The following BOP1 variants were observed in gnomAD, a reference collection of about 807,000 sequenced individuals.
BOP1 encodes BOP1 ribosomal biogenesis factor.
In BOP1, 54 loss-of-function variants were observed where a neutral mutation model predicts 82.9. The observed-to-expected ratio is 0.65, with a 90% CI of 0.52 to 0.82. The LOEUF (loss-of-function observed/expected upper bound fraction) is 0.82, where lower values mean the gene tolerates loss of function less well. Ranked by LOEUF, BOP1 falls within the 40% of genes least tolerant of loss-of-function variation. The pLI is 0.00. For missense variants in BOP1, 1,170 were observed against 1,072.0 expected (o/e 1.09, Z -1.28); for synonymous variants, 566 against 451.1 (o/e 1.25, Z -3.23).
intron 1 of BOP1, among the ~76,000 whole-genome samples, chr8:144,290,772 C>G (rs1166101549): frequency 6.6e-6 from 1 of 152,182 alleles, no homozygotes; most frequent in Non-Finnish European, 1.5e-5. Context: ...GAGGGGCTGG[C>G]TGTCCATCCC....
chr8:144,283,112 C>T (rs1317157244), intron 2 of BOP1, among the ~76,000 whole-genome samples: 1 of 146,016 alleles, frequency 6.8e-6, no homozygotes, highest in Non-Finnish European at 1.5e-5. Flanking sequence ...GCACGAGAAT[C>T]GCTTGAACCC....
chr8:144,266,650 C>G, intron 3 of BOP1: 1 of 1,252,922 alleles, frequency 8.0e-7, no homozygotes, highest in Non-Finnish European at 1.0e-6. Flanking sequence ...GCCGCCGGGC[C>G]GCTACCTGTA....
rs1465346200 is a variant in BOP1 at position 144,263,816 on chromosome 8, C to G, written c.1221+15G>C. On this transcript the variant is annotated intron_variant, in intron 9 of 15. Transcript: ENST00000569669. ...ACTGGGAGGGTGCAACCCCAGCCCC[C>G]TAGTCTCCACTTACCAGGGCCTGGC... is the stretch of plus-strand genomic sequence containing the variant. The G allele has an allele frequency of 3.1e-6, 5 of 1,610,322 alleles. No individual in the cohort carries two copies. The East Asian group carries it at 1.1e-4, about 36-fold the overall frequency.
At chr8:144,266,765 G>A in intron 3 of BOP1, 6 of 1,070,404 alleles carry the variant, frequency 5.6e-6, no homozygotes, top group Non-Finnish European at 6.8e-6. Context: ...GGCCTCCAGG[G>A]CGCCCGGCGG....
intron 2 of BOP1, among the ~76,000 whole-genome samples, chr8:144,280,426 C>T (rs746289925): frequency 6.6e-6 from 1 of 152,286 alleles, no homozygotes; most frequent in Non-Finnish European, 1.5e-5. Context: ...GACAGGGGGC[C>T]CGAGCCCAGG....
chr8:144,276,858 A>T (rs1032950146), intron 2 of BOP1, among the ~76,000 whole-genome samples: 6 of 152,308 alleles, frequency 3.9e-5, no homozygotes, highest in Non-Finnish European at 7.4e-5. Context: ...CGCCCAGTCC[A>T]GCCAGCAGAG....
At chr8:144,283,221 A>AAAAAAAAAAAAAAAAAAAC (rs1814767642) in intron 2 of BOP1, among the ~76,000 whole-genome samples, 1 of 150,126 alleles carries the variant, frequency 6.7e-6, no homozygotes, top group Non-Finnish European at 1.5e-5. Context: ...AAAAAAAAAA[A>AAAAAAAAAAAAAAAAAAAC]AAAAGAAAGG....
chr8:144,267,223 C>A, intron 3 of BOP1: 1 of 1,478,008 alleles, frequency 6.8e-7, no homozygotes, highest in East Asian at 2.7e-5. Context: ...CTCCAACGCG[C>A]CCCTCAGCCC....
At chr8:144,281,063 C>CCAGGTCTTAGGCCTTCCCTCAGTTTA (rs1564601666) in intron 2 of BOP1, among the ~76,000 whole-genome samples, 12 of 54,908 alleles carry the variant, frequency 2.2e-4, no homozygotes, top group Admixed American at 5.4e-4. Flanking sequence ...CTCTCACTTT[C>CCAGGTCTTAGGCCTTCCCTCAGTTTA]ATACCAGGTC....
rs1452677813 is a variant in BOP1, at chr8:144,264,089, T to C, written c.1032A>G (p.Pro344=). 2.5e-6 allele frequency: 4 copies of C among 1,610,190 alleles called. No individual in the cohort carries two copies. The highest frequency in any genetic ancestry group is 3.4e-6 in the Non-Finnish European group (4 of 1,179,450). ...CGGCCCGCAGGCTCGGGAACTTGCG[T>C]GGCAAAAAGCTCAGCTTCCTCTCGC... The part of the protein sequence containing the change: ...EPGERKLSFL[P]RKFPSLRAVP... The change falls in exon 8 of 16, where the codon CCA becomes CCG. Residue 344 remains proline, a synonymous_variant. Coordinates refer to ENST00000569669, the MANE Select transcript of BOP1 (RefSeq NM_015201.5).
intron 3 of BOP1, chr8:144,268,431 TATA>T (rs1845431881): frequency 3.6e-6 from 2 of 560,952 alleles, no homozygotes; most frequent in African/African-American, 3.8e-5. Flanking sequence ...GATATGATAA[TATA>T]AAGTCTGAAA....
At chr8:144,284,980 C>G (rs1250365556) in intron 2 of BOP1, among the ~76,000 whole-genome samples, 2 of 152,158 alleles carry the variant, frequency 1.3e-5, no homozygotes, top group African/African-American at 4.8e-5. Flanking sequence ...GGGCTCCCCG[C>G]TACAAGGGCC....
chr8:144,286,986 T>G (rs1180438884), intron 2 of BOP1, among the ~76,000 whole-genome samples: 1 of 152,204 alleles, frequency 6.6e-6, no homozygotes, highest in African/African-American at 2.4e-5. Context: ...ACCTTTCAAG[T>G]ACTTGGATAT....
At chr8:144,283,201 C>CAAAAAAAAAAAAAAAAAAAAAAAAAAA (rs60868806) in intron 2 of BOP1, among the ~76,000 whole-genome samples, 2 of 54,330 alleles carry the variant, frequency 3.7e-5, no homozygotes, top group East Asian at 5.2e-4. Context: ...AACTCCATCT[C>CAAAAAAAAAAAAAAAAAAAAAAAAAAA]AAAAAAAAAA....
At chr8:144,265,185 G>C in intron 3 of BOP1, 114 bp from the exon 4 acceptor site, 3 of 1,243,800 alleles carry the variant, frequency 2.4e-6, no homozygotes, top group Non-Finnish European at 3.4e-6. Flanking sequence ...CCAGCCTCAA[G>C]TGCCCTGAGG....
In BOP1 at chr8:144,263,716, G is replaced by A. The variant is rs1487932765; in HGVS notation, c.1267C>T (p.Pro423Ser). The A allele has an allele frequency of 1.3e-6, 2 of 1,574,166 alleles. No homozygotes were observed. The highest frequency in any genetic ancestry group is 1.3e-5 in the African/African-American group (1 of 74,090). ...CCTGAAACCAGCCACTGGCCCCCAG[G>A]AGAGACACTGAGGCACCGGACAAGG... The part of the protein sequence containing the change: ...SDLVRCLSVS[P>S]GGQWLVSGSD... The change falls in exon 10 of 16, where the codon CCT (proline) becomes TCT (serine). Residue 423 changes from proline to serine, a missense_variant. Physicochemically the swap from Pro to Ser is moderately conservative, Grantham distance 74. Transcript: ENST00000569669.
Position 144,263,326 on chromosome 8 carries a change from G to A in BOP1, c.1500C>T (p.Ser500=), listed in dbSNP as rs929697562. ...LVAGSTDQLL[S]AFVPPEEPPL... The stretch of plus-strand genomic sequence containing the variant: ...GGGGCTCCTCAGGCGGGACGAAGGC[G>A]CTCAACAGCTGATCTGTGCTGCCCG... Residue 500 remains serine, a synonymous_variant, in exon 12 of 16, where the codon AGC becomes AGT. Coordinates refer to ENST00000569669, the MANE Select transcript of BOP1 (RefSeq NM_015201.5). The A allele has an allele frequency of 2.1e-5, 34 of 1,593,962 alleles. No homozygotes were observed. Among genetic ancestry groups the A allele is most frequent in the Admixed American group, 3.4e-5 (2 of 59,632 alleles).
chr8:144,266,524 C>T lies in BOP1; in HGVS notation c.391-1453G>A, dbSNP rs1361525887. ...GGGGCGCAGCCGAGACCCCGCGCCT[C>T]GCCCCGGCCGGCCCGCGAGGCCCGC... On this transcript the variant is annotated intron_variant, in intron 3 of 15. Transcript: ENST00000569669. The T allele has an allele frequency of 4.0e-6, 4 of 990,544 alleles. No homozygotes were observed. The African/African-American group carries it at 7.0e-5, about 17-fold the overall frequency. The allele number at this position is 990,544 out of a possible 1,614,324, so 61.4% of individuals were successfully genotyped here. A position where few individuals can be genotyped will look rare whatever the true frequency, so the allele number is the denominator to read the frequency against.
chr8:144,285,313 C>T (rs1472621545), intron 2 of BOP1, among the ~76,000 whole-genome samples: 1 of 152,174 alleles, frequency 6.6e-6, no homozygotes, highest in Non-Finnish European at 1.5e-5. Flanking sequence ...AGCCCCATCC[C>T]GCCACTGTTC....
Sources: allele counts gnomAD v4.1 joint callset (sites outside exome capture counted in the v4.1 genomes callset), GRCh38; gene constraint gnomAD v4.1.1; transcripts MANE v1.5; gene names NCBI Gene and HGNC (gene_info 2026-07-23, HGNC 2026-07-21).